PHACTR4: variants seen among roughly 807,000 people sequenced by gnomAD.
PHACTR4 encodes protein phosphatase 1, regulatory subunit 124.
A neutral mutation model predicts 72.7 loss-of-function variants in PHACTR4; 51 were observed. The observed-to-expected ratio is 0.70, with a 90% CI of 0.56 to 0.89. PHACTR4 has a LOEUF of 0.89. Among genes scored for constraint, PHACTR4 ranks in the 40% least tolerant of loss-of-function variants. The pLI, the probability that PHACTR4 is intolerant of heterozygous loss-of-function variation, is 0.00. For missense variants in PHACTR4, 731 were observed against 861.8 expected (o/e 0.85, Z 1.90); for synonymous variants, 255 against 302.5 (o/e 0.84, Z 1.63).
Position 28,411,849 on chromosome 1 carries a change from AAAAG to A in PHACTR4, c.16+4401_16+4404del, listed in dbSNP as rs1250035478. ...GAAAAAAAGAAAACAGAAACCACCC[AAAAG>A]AAAGAAAGAAAGAACGAATGAACAA... On this transcript the variant is annotated intron_variant, in intron 2 of 13. Coordinates refer to ENST00000373839, the MANE Select transcript of PHACTR4 (RefSeq NM_001048183.3). 7.3e-5 allele frequency among the ~76,000 whole-genome samples: 11 copies of A among 149,930 alleles called. No individual in the cohort carries two copies. In the East Asian group the frequency reaches 9.6e-4, roughly 13 times the overall value.
At chr1:28,391,599 CTTTTTTTTT>C (rs751801605) in intron 1 of PHACTR4, among the ~76,000 whole-genome samples, 2 of 98,820 alleles carry the variant, frequency 2.0e-5, no homozygotes, top group Admixed American at 1.1e-4. Flanking sequence ...AAAATATATT[CTTTTTTTTT>C]TTTTTTTTTT....
rs534585253 is a variant in PHACTR4 at position 28,377,568 on chromosome 1, GC to G, written c.-39+7745del. Among the ~76,000 whole-genome samples the G allele has an allele frequency of 3.1e-3, 468 of 152,158 alleles. 2 individuals carry two copies. Among genetic ancestry groups the G allele is most frequent in the African/African-American group, 0.01 (429 of 41,538 alleles). Reference sequence around the variant, plus strand: ...CAAAGCTTTTTGAAATGATCTGTAGGCCAGGAGTGGTGGCTGCGGCCTGTAA... The same window carrying G: ...CAAAGCTTTTTGAAATGATCTGTAGGCAGGAGTGGTGGCTGCGGCCTGTAA... On this transcript the variant is annotated intron_variant, in intron 1 of 13. Transcript: ENST00000373839.
intron 2 of PHACTR4, among the ~76,000 whole-genome samples, chr1:28,440,118 G>A (rs1656899580): frequency 6.6e-6 from 1 of 151,638 alleles, no homozygotes; most frequent in Admixed American, 6.6e-5. Context: ...TGGCTAACAC[G>A]GTGAAACCCC....
In PHACTR4 at chr1:28,469,381, C is replaced by T. The variant is rs966503115; in HGVS notation, c.823+2613C>T. Among the ~76,000 whole-genome samples the T allele has an allele frequency of 4.6e-5, 7 of 152,118 alleles. No individual in the cohort carries two copies. In the East Asian group the frequency reaches 9.6e-4, roughly 21 times the overall value. On this transcript the variant is annotated intron_variant, in intron 6 of 13. Coordinates refer to ENST00000373839, the MANE Select transcript of PHACTR4 (RefSeq NM_001048183.3). ...CTCATCCATATAACATGGAGTATTACGACTAAGGAAAAACCACCAGCAATA... is the reference window on the plus strand; with the variant it reads ...CTCATCCATATAACATGGAGTATTATGACTAAGGAAAAACCACCAGCAATA...
rs537426146 is a variant in PHACTR4 at position 28,449,624 on chromosome 1, G to T, written c.17-9461G>T. ...CCCAGCACTTTGGGAGGCCAAAGTG[G>T]GTGGATCACCTGAGGTCAGGAGTTT... On this transcript the variant is annotated intron_variant, in intron 2 of 13. Transcript: ENST00000373839. Among the ~76,000 whole-genome samples the T allele has an allele frequency of 9.2e-4, 140 of 152,132 alleles. 2 individuals are homozygous for T. Among genetic ancestry groups the T allele is most frequent in the East Asian group, 5.6e-3 (29 of 5,170 alleles).
intron 2 of PHACTR4, among the ~76,000 whole-genome samples, chr1:28,418,696 A>G (rs1433165282): frequency 6.6e-6 from 1 of 152,146 alleles, no homozygotes; most frequent in Non-Finnish European, 1.5e-5. Flanking sequence ...TCACACCTGT[A>G]ATCTCAGGAC....
At chr1:28,477,665 T>C (rs1247239312) in intron 8 of PHACTR4, among the ~76,000 whole-genome samples, 1 of 152,098 alleles carries the variant, frequency 6.6e-6, no homozygotes, top group African/African-American at 2.4e-5. Flanking sequence ...TTAACTATAG[T>C]CACCCTATTG....
At chr1:28,448,533 A>G (rs1657647948) in intron 2 of PHACTR4, among the ~76,000 whole-genome samples, 1 of 150,030 alleles carries the variant, frequency 6.7e-6, no homozygotes, top group Non-Finnish European at 1.5e-5. Context: ...AGGGCGGATC[A>G]TGAGGTCAGG....
intron 1 of PHACTR4, among the ~76,000 whole-genome samples, chr1:28,381,768 C>T (rs377665644): frequency 1.4e-4 from 22 of 152,078 alleles, no homozygotes; most frequent in Non-Finnish European, 2.2e-4. Context: ...TGTCCTTTGC[C>T]GACTTTTTTC....
intron 9 of PHACTR4, among the ~76,000 whole-genome samples, chr1:28,486,773 C>T (rs898949078): frequency 5.9e-5 from 9 of 152,080 alleles, no homozygotes; most frequent in Non-Finnish European, 1.2e-4. Context: ...GCAGGGCAAT[C>T]ACTTGAACCC....
At chr1:28,441,449 C>G (rs61783848) in intron 2 of PHACTR4, among the ~76,000 whole-genome samples, 58,628 of 151,912 alleles carry the variant, frequency 0.39, 13,013 homozygotes, top group African/African-American at 0.6. Context: ...GCGCTATTAA[C>G]CAAAGAGTCT....
chr1:28,391,477 G>A (rs1653027361), intron 1 of PHACTR4, among the ~76,000 whole-genome samples: 1 of 151,644 alleles, frequency 6.6e-6, no homozygotes, highest in South Asian at 2.1e-4. Flanking sequence ...GTGGTTACCA[G>A]GAGCTGGGTG....
intron 2 of PHACTR4, among the ~76,000 whole-genome samples, chr1:28,442,558 G>T (rs1277650215): frequency 1.3e-5 from 2 of 152,026 alleles, no homozygotes; most frequent in Non-Finnish European, 2.9e-5. Flanking sequence ...CCAAGTTGGA[G>T]TGCAGTGGCG....
intron 1 of PHACTR4, among the ~76,000 whole-genome samples, chr1:28,378,533 C>A (rs1261756060): frequency 6.6e-6 from 1 of 151,328 alleles, no homozygotes; most frequent in Non-Finnish European, 1.5e-5. Flanking sequence ...TTTTTTTAAC[C>A]ATTTTTTTGT....
intron 12 of PHACTR4, among the ~76,000 whole-genome samples, chr1:28,492,722 T>C (rs932745827): frequency 6.6e-6 from 1 of 152,140 alleles, no homozygotes; most frequent in Non-Finnish European, 1.5e-5. Flanking sequence ...ATTGCACCAC[T>C]GCACTCCAGC....
chr1:28,495,439 A>G (rs1201238417), intron 13 of PHACTR4, among the ~76,000 whole-genome samples: 1 of 152,024 alleles, frequency 6.6e-6, no homozygotes, highest in African/African-American at 2.4e-5. Flanking sequence ...AAGGCAGACA[A>G]TGAACAAGCT....
At chr1:28,452,213 A>C (rs1463391680) in intron 2 of PHACTR4, among the ~76,000 whole-genome samples, 3 of 152,042 alleles carry the variant, frequency 2.0e-5, no homozygotes, top group Admixed American at 6.6e-5. Context: ...GAAAAAAAAA[A>C]CTCACAGGCA....
At chr1:28,427,361 A>C (rs553539415) in intron 2 of PHACTR4, among the ~76,000 whole-genome samples, 1 of 152,104 alleles carries the variant, frequency 6.6e-6, no homozygotes, top group African/African-American at 2.4e-5. Flanking sequence ...CCCCGTCTCT[A>C]CTAAAAATAC....
chr1:28,415,306 T>C (rs1045004932), intron 2 of PHACTR4, among the ~76,000 whole-genome samples: 1 of 151,194 alleles, frequency 6.6e-6, no homozygotes, highest in Non-Finnish European at 1.5e-5. Context: ...AATTCATGGC[T>C]ACACTGTACA....
Sources: allele counts gnomAD v4.1 joint callset (sites outside exome capture counted in the v4.1 genomes callset), GRCh38; gene constraint gnomAD v4.1.1; transcripts MANE v1.5; gene names NCBI Gene and HGNC (gene_info 2026-07-23, HGNC 2026-07-21).